PSD3: variants seen among roughly 807,000 people sequenced by gnomAD.
PSD3 encodes the protein pleckstrin and Sec7 domain containing 3, also known as PH and SEC7 domain-containing protein 3.
In PSD3, 49 loss-of-function variants were observed where a neutral mutation model predicts 105.5. The ratio of observed to expected loss-of-function variants is 0.46; its 90% CI spans 0.37 to 0.59. PSD3 has a LOEUF of 0.59. PSD3 is among the 20% of genes least tolerant of loss of function. The probability of loss-of-function intolerance (pLI) is 0.00; values close to 1 mark genes in which losing one functional copy is unlikely to be tolerated. For synonymous variants in PSD3, 557 were observed against 457.8 expected (o/e 1.22, Z -2.77); for missense variants, 1,561 against 1,263.8 (o/e 1.24, Z -3.57).
At chr8:18,549,964 A>G (rs1420169191) in intron 15 of PSD3, among the ~76,000 whole-genome samples, 1 of 152,232 alleles carries the variant, frequency 6.6e-6, no homozygotes, top group African/African-American at 2.4e-5. Context: ...TGAGGTTCAG[A>G]AAGGATAAGG....
chr8:19,081,951 G>A (rs1166817024), intron 1 of PSD3, among the ~76,000 whole-genome samples: 1 of 152,188 alleles, frequency 6.6e-6, no homozygotes, highest in Non-Finnish European at 1.5e-5. Flanking sequence ...TCGACTGAAA[G>A]CTTCCATTAT....
At chr8:18,946,623 G>A (rs991220738) in intron 1 of PSD3, among the ~76,000 whole-genome samples, 6 of 150,396 alleles carry the variant, frequency 4.0e-5, no homozygotes, top group African/African-American at 1.5e-4. Flanking sequence ...AAATTTTCCA[G>A]GCACGGTGGC....
chr8:18,810,801 T>C (rs77467599), intron 4 of PSD3, among the ~76,000 whole-genome samples: 3,050 of 152,278 alleles, frequency 0.02, 104 homozygotes, highest in African/African-American at 0.067. Context: ...GGGAACAACA[T>C]GACTCCTTTG....
Position 18,836,430 on chromosome 8 carries a change from T to A in PSD3, c.1634+31244A>T, listed in dbSNP as rs527530029. 5.3e-5 allele frequency among the ~76,000 whole-genome samples: 8 copies of A among 152,322 alleles called. 1 individual carries two copies. The South Asian group carries it at 1.7e-3, about 32-fold the overall frequency. ...TGTGGATTTTATTTATCTGTGCACA[T>A]GCAAACTCAAACACAAACACACAGA... On this transcript the variant is annotated intron_variant, in intron 4 of 15. Transcript: ENST00000327040.
intron 9 of PSD3, among the ~76,000 whole-genome samples, chr8:18,660,835 G>A (rs1809294211): frequency 6.6e-6 from 1 of 152,088 alleles, no homozygotes; most frequent in African/African-American, 2.4e-5. Flanking sequence ...TACCTCTCTC[G>A]ACACTAGCCA....
chr8:18,890,826 AG>A (rs977870311), intron 2 of PSD3, among the ~76,000 whole-genome samples: 4 of 146,926 alleles, frequency 2.7e-5, no homozygotes, highest in East Asian at 2.0e-4. Context: ...AGGGTGGGGG[AG>A]GGGGAACAAA....
At position 18,689,242 on chromosome 8, in the gene PSD3, G is replaced by T. The variant is rs57868868; in HGVS notation, c.2173-33557C>A. 2.0e-5 allele frequency among the ~76,000 whole-genome samples: 3 copies of T among 152,220 alleles called. No individual in the cohort carries two copies. The South Asian group carries it at 6.2e-4, about 32-fold the overall frequency. ...CTTTGAGCAGCTCACATTCAGTCGG[G>T]GGTAGGAGGTAGAGAGAACAAGAAA... On this transcript the variant is annotated intron_variant, in intron 9 of 15. Coordinates refer to ENST00000327040, the MANE Select transcript of PSD3 (RefSeq NM_015310.4).
At chr8:18,657,190 A>G (rs1374163401) in intron 9 of PSD3, among the ~76,000 whole-genome samples, 1 of 152,232 alleles carries the variant, frequency 6.6e-6, no homozygotes, top group Admixed American at 6.5e-5. Context: ...ACTGCCTTGT[A>G]TTTCTATCCT....
chr8:18,856,558 C>T (rs754177948), intron 4 of PSD3, among the ~76,000 whole-genome samples: 23 of 152,148 alleles, frequency 1.5e-4, no homozygotes, highest in African/African-American at 3.6e-4. Context: ...AGGATTGCTT[C>T]GCAATAGTAA....
rs558395075 is a variant in PSD3, at chr8:18,724,715, C to T, written c.2172+40734G>A. On this transcript the variant is annotated intron_variant, in intron 9 of 15. Transcript: ENST00000327040. ...GAGTTAATGTGGGCACGTAATTCCT[C>T]ATTTGAGAAAGATACATGGGCTTAA... Among the ~76,000 whole-genome samples, 3 of 152,176 alleles carry T rather than the reference C, an allele frequency of 2.0e-5. 1 individual carries two copies. In the South Asian group the frequency reaches 6.2e-4, roughly 32 times the overall value.
chr8:18,945,741 C>T (rs2129469683), intron 1 of PSD3, among the ~76,000 whole-genome samples: 1 of 152,236 alleles, frequency 6.6e-6, no homozygotes, highest in South Asian at 2.1e-4. Flanking sequence ...TTTGGGAGGC[C>T]CAGGTGGGCG....
At chr8:19,067,934 C>A (rs1050853307) in intron 1 of PSD3, among the ~76,000 whole-genome samples, 8 of 152,290 alleles carry the variant, frequency 5.3e-5, no homozygotes, top group Middle Eastern at 3.4e-3. Context: ...AACGTGGGAC[C>A]CTTGTGGGTA....
At chr8:18,543,301 T>G (rs1800251962) in intron 15 of PSD3, among the ~76,000 whole-genome samples, 1 of 152,078 alleles carries the variant, frequency 6.6e-6, no homozygotes, top group African/African-American at 2.4e-5. Context: ...TAAGCTGATC[T>G]TCGATTATCT....
chr8:18,892,269 G>C (rs1818841272), intron 2 of PSD3, among the ~76,000 whole-genome samples: 2 of 151,444 alleles, frequency 1.3e-5, no homozygotes, highest in Non-Finnish European at 2.9e-5. Flanking sequence ...TGTTGCCCAG[G>C]CTGGAGTGCA....
chr8:18,827,988 T>G lies in PSD3; in HGVS notation c.1635-23090A>C, dbSNP rs186306063. Among the ~76,000 whole-genome samples, 932 of 145,658 alleles carry G rather than the reference T, an allele frequency of 6.4e-3. 9 individuals are homozygous for G. Among genetic ancestry groups the G allele is most frequent in the Middle Eastern group, 0.014 (4 of 276 alleles). ...CAACACTTAAATCATTTGGGTCTCATAAACTCCATACAAGGTAGACAATTT... is the reference window on the plus strand; with the variant it reads ...CAACACTTAAATCATTTGGGTCTCAGAAACTCCATACAAGGTAGACAATTT... On this transcript the variant is annotated intron_variant, in intron 4 of 15. Coordinates refer to ENST00000327040, the MANE Select transcript of PSD3 (RefSeq NM_015310.4).
intron 9 of PSD3, chr8:18,683,778 T>C: frequency 1.3e-6 from 1 of 765,206 alleles, no homozygotes; most frequent in Non-Finnish European, 2.4e-6. Flanking sequence ...CTTTACCTTG[T>C]TCTCCTTAGC....
intron 9 of PSD3, among the ~76,000 whole-genome samples, chr8:18,673,739 G>T (rs1585578706): frequency 6.6e-6 from 1 of 152,322 alleles, no homozygotes; most frequent in East Asian, 1.9e-4. Context: ...ACCTTTCACT[G>T]AATCCTGCTA....
At chr8:18,638,092 T>A (rs550039510) in intron 10 of PSD3, among the ~76,000 whole-genome samples, 1 of 149,720 alleles carries the variant, frequency 6.7e-6, no homozygotes, top group Non-Finnish European at 1.5e-5. Context: ...CAAGTGGAGG[T>A]TGCAGTGAGC....
Position 18,594,224 on chromosome 8 carries a change from ATTATATAATATATAT to A in PSD3, c.2481+6125_2481+6139del, listed in dbSNP as rs1803865375. Among the ~76,000 whole-genome samples, 5 of 8,772 alleles carry A rather than the reference ATTATATAATATATAT, an allele frequency of 5.7e-4. 1 individual carries two copies. The highest frequency in any genetic ancestry group is 6.0e-3 in the South Asian group (1 of 168). 5.8% of individuals were successfully genotyped at this position (8,772 alleles called of 152,430 possible). ...TTATATAATATATATTATTATATAT[ATTATATAATATATAT>A]TATTATATATATTATATAATATATA... On this transcript the variant is annotated intron_variant, in intron 12 of 15. Coordinates refer to ENST00000327040, the MANE Select transcript of PSD3 (RefSeq NM_015310.4).
Sources: gnomAD v4.1 joint callset for allele counts (sites outside exome capture counted in the v4.1 genomes callset) on GRCh38, gnomAD v4.1.1 for gene constraint, MANE v1.5 for transcripts, NCBI Gene and HGNC (gene_info 2026-07-23, HGNC 2026-07-21) for gene names.